Variants in HDAC4 observed in about 807,000 individuals in gnomAD.
HDAC4 encodes the protein histone deacetylase 4, also known as histone deacetylase A.
A neutral mutation model predicts 135.1 loss-of-function variants in HDAC4; 16 were observed. The ratio of observed to expected loss-of-function variants is 0.12; its 90% confidence interval spans 0.08 to 0.18. HDAC4 has a LOEUF of 0.18. Ranked by LOEUF, HDAC4 falls within the 10% of genes least tolerant of loss-of-function variation. HDAC4 has a pLI of 1.00. For synonymous variants in HDAC4, 685 were observed against 653.4 expected, an observed-to-expected ratio of 1.05 and a Z score of -0.74; for missense variants, 1,143 against 1,511.8, an observed-to-expected ratio of 0.76 and a Z score of 4.05.
At position 239,262,867 on chromosome 2, in the gene HDAC4, G is replaced by A. The variant is rs911632737; in HGVS notation, c.23-26203C>T. Among the ~76,000 whole-genome samples, 1 of 152,200 alleles carries A rather than the reference G, an allele frequency of 6.6e-6. No individual in the cohort carries two copies. The highest frequency in any genetic ancestry group is 1.5e-5 in the Non-Finnish European group (1 of 68,042). On this transcript the variant is annotated intron_variant, in intron 2 of 26. Coordinates refer to ENST00000543185, the MANE Select transcript of HDAC4 (RefSeq NM_001378414.1). This position sits in a 1 kb window ranked among gnomAD's most constrained non-coding sequence, Gnocchi z 4.1. ...AAAGCTGGTGCCCTGGTGAGCAGGA[G>A]AGCGTGAGGCTCTAAGGAGTGGATC...
At chr2:239,182,833 T>C (rs1206076692) in intron 4 of HDAC4, among the ~76,000 whole-genome samples, 1 of 152,196 alleles carries the variant, frequency 6.6e-6, no homozygotes, top group Non-Finnish European at 1.5e-5. Context: ...CATTTCACTC[T>C]TCTTCACTCC....
At position 239,050,902 on chromosome 2, in the gene HDAC4, G is replaced by A. The variant is rs879323298; in HGVS notation, c.*2195C>T. 4 of 152,572 alleles carry A rather than the reference G, an allele frequency of 2.6e-5. No homozygotes were observed. The highest frequency in any genetic ancestry group is 3.8e-4 in the East Asian group (2 of 5,196). 9.5% of individuals were successfully genotyped at this position (152,572 alleles called of 1,614,324 possible). A position where few individuals can be genotyped will look rare whatever the true frequency, so the allele number is the denominator to read the frequency against. On this transcript the variant is annotated 3_prime_UTR_variant, in exon 27 of 27. Coordinates refer to ENST00000543185, the MANE Select transcript of HDAC4 (RefSeq NM_001378414.1). ...CCCTGCAGGTTCACCAGGCAACAAG[G>A]GTCCCTGGGTTCCTTGCAGCCACAG...
intron 3 of HDAC4, among the ~76,000 whole-genome samples, chr2:239,201,119 TACAG>T (rs2045730619): frequency 6.6e-6 from 1 of 152,146 alleles, no homozygotes; most frequent in African/African-American, 2.4e-5. Context: ...GAAACTGATG[TACAG>T]ACAGTTTTAA....
intron 1 of HDAC4, among the ~76,000 whole-genome samples, chr2:239,355,930 AT>A (rs1321718589): frequency 1.3e-5 from 2 of 152,244 alleles, no homozygotes; most frequent in African/African-American, 4.8e-5. Flanking sequence ...CTAGAAACGG[AT>A]TCTTCTCCCA....
intron 2 of HDAC4, among the ~76,000 whole-genome samples, chr2:239,280,215 C>T (rs1377820360): frequency 1.3e-5 from 2 of 152,050 alleles, no homozygotes; most frequent in African/African-American, 4.8e-5. Context: ...TATATTCTCT[C>T]GTTTTTAACA....
chr2:239,073,974 G>A (rs932517367), intron 22 of HDAC4, among the ~76,000 whole-genome samples: 3 of 150,920 alleles, frequency 2.0e-5, no homozygotes, highest in East Asian at 4.0e-4. Flanking sequence ...GAGGGGGGCC[G>A]CAGGACTGAG....
chr2:239,351,290 G>A (rs1004672714), intron 2 of HDAC4, among the ~76,000 whole-genome samples: 3 of 152,122 alleles, frequency 2.0e-5, no homozygotes, highest in African/African-American at 7.2e-5. Flanking sequence ...CCATTCGCAA[G>A]GTATCAAAAG....
intron 3 of HDAC4, among the ~76,000 whole-genome samples, chr2:239,196,345 C>G (rs2045378589): frequency 1.3e-5 from 2 of 152,214 alleles, no homozygotes; most frequent in Middle Eastern, 3.2e-3. Flanking sequence ...GAGGCCCAAA[C>G]GTCACCCTCT....
intron 17 of HDAC4, among the ~76,000 whole-genome samples, chr2:239,090,798 C>G (rs1157531278): frequency 6.6e-6 from 1 of 152,216 alleles, no homozygotes; most frequent in Non-Finnish European, 1.5e-5. Context: ...AAACACCAAA[C>G]TCTGAAATAC....
intron 2 of HDAC4, among the ~76,000 whole-genome samples, chr2:239,244,595 A>G (rs1559277368): frequency 6.6e-6 from 1 of 152,212 alleles, no homozygotes; most frequent in Non-Finnish European, 1.5e-5. Flanking sequence ...AAATTATAAA[A>G]GGAAGTTCAG....
rs1376015913 is a variant in HDAC4, at chr2:239,049,277, GGTTTT to G, written c.*3815_*3819del. The G allele has an allele frequency of 6.6e-6, 1 of 152,418 alleles. No homozygotes were observed. The highest frequency in any genetic ancestry group is 2.4e-5 in the African/African-American group (1 of 41,394). 9.4% of individuals were successfully genotyped at this position (152,418 alleles called of 1,614,324 possible). On this transcript the variant is annotated 3_prime_UTR_variant, in exon 27 of 27. Coordinates refer to ENST00000543185, the MANE Select transcript of HDAC4 (RefSeq NM_001378414.1). ...ACTTCCCCGCCCTCCTCTCCTTCAAGGTTTTGTTTTACAGAAAAATTTCCATCTTT... is the reference window on the plus strand; with the variant it reads ...ACTTCCCCGCCCTCCTCTCCTTCAAGGTTTTACAGAAAAATTTCCATCTTT...
Position 239,328,901 on chromosome 2 carries a change from G to A in HDAC4, c.22+23777C>T, listed in dbSNP as rs367867724. Among the ~76,000 whole-genome samples, 11 of 152,352 alleles carry A rather than the reference G, an allele frequency of 7.2e-5. No individual in the cohort carries two copies. In the East Asian group the frequency reaches 1.5e-3, roughly 21 times the overall value. Reference sequence around the variant, plus strand: ...TGGGGGTTTATGACGATTTACTGACGCAAGAGCTCCCCGAAGCAGCATGCC... The same window carrying A: ...TGGGGGTTTATGACGATTTACTGACACAAGAGCTCCCCGAAGCAGCATGCC... On this transcript the variant is annotated intron_variant, in intron 2 of 26. Coordinates refer to ENST00000543185, the MANE Select transcript of HDAC4 (RefSeq NM_001378414.1).
chr2:239,051,647 C>CTGTT lies in HDAC4; in HGVS notation c.*1446_*1449dup, dbSNP rs2030867124. On this transcript the variant is annotated 3_prime_UTR_variant, in exon 27 of 27. Transcript: ENST00000543185. Reference sequence around the variant, plus strand: ...TGAAGGCTTGGAGACGGGAGCGGTTCTGTTAGAAAATAATTAAAATGAAAG... The same window carrying CTGTT: ...TGAAGGCTTGGAGACGGGAGCGGTTCTGTTTGTTAGAAAATAATTAAAATGAAAG... 6.6e-6 allele frequency: 1 copy of CTGTT among 152,600 alleles called. No individual in the cohort carries two copies. The highest frequency in any genetic ancestry group is 1.5e-5 in the Non-Finnish European group (1 of 68,046). The allele number at this position is 152,600 out of a possible 1,614,324, so 9.5% of individuals were successfully genotyped here. A position where few individuals can be genotyped will look rare whatever the true frequency, so the allele number is the denominator to read the frequency against.
At chr2:239,232,549 C>CCCCTCACCAAGCCAAGGGTGGCCCTT (rs2047638894) in intron 3 of HDAC4, among the ~76,000 whole-genome samples, 1 of 144,106 alleles carries the variant, frequency 6.9e-6, no homozygotes, top group African/African-American at 2.5e-5. Context: ...GGTGGCCCTT[C>CCCCTCACCAAGCCAAGGGTGGCCCTT]CCCTCACCAA....
At chr2:239,256,964 G>A (rs1334357432) in intron 2 of HDAC4, among the ~76,000 whole-genome samples, 1 of 152,178 alleles carries the variant, frequency 6.6e-6, no homozygotes, top group Non-Finnish European at 1.5e-5. Flanking sequence ...AGAAGAACCT[G>A]GGTATTTTCA....
intron 5 of HDAC4, among the ~76,000 whole-genome samples, chr2:239,166,346 C>G (rs1261793766): frequency 3.3e-5 from 5 of 152,176 alleles, no homozygotes; most frequent in African/African-American, 4.8e-5. Context: ...CATGAGGCTT[C>G]AGGCTCAGGG....
intron 22 of HDAC4, among the ~76,000 whole-genome samples, chr2:239,071,156 G>A (rs1349393501): frequency 6.6e-6 from 1 of 152,078 alleles, no homozygotes; most frequent in Non-Finnish European, 1.5e-5. Flanking sequence ...GGTGGCTCAC[G>A]CCAGTAATCC....
chr2:239,325,316 G>A (rs534683438), intron 2 of HDAC4, among the ~76,000 whole-genome samples: 2 of 152,248 alleles, frequency 1.3e-5, no homozygotes, highest in South Asian at 2.1e-4. Flanking sequence ...AGAATAGAAG[G>A]AGATATTTGC....
At position 239,050,015 on chromosome 2, in the gene HDAC4, A is replaced by G. The variant is rs1408765003; in HGVS notation, c.*3082T>C. The G allele has an allele frequency of 1.3e-5, 2 of 152,650 alleles. No homozygotes were observed. Among genetic ancestry groups the G allele is most frequent in the Non-Finnish European group, 2.9e-5 (2 of 68,076 alleles). 9.5% of individuals were successfully genotyped at this position (152,650 alleles called of 1,614,324 possible). The stretch of plus-strand genomic sequence containing the variant: ...GTCCAAGGACCCACAGGGAGAACAC[A>G]TGAAGGAACCCTCCCTGACGTGGTC... On this transcript the variant is annotated 3_prime_UTR_variant, in exon 27 of 27. Transcript: ENST00000543185.
Sources: allele counts gnomAD v4.1 joint callset (sites outside exome capture counted in the v4.1 genomes callset), GRCh38; gene constraint gnomAD v4.1.1; non-coding constraint Gnocchi (gnomAD v3.1); transcripts MANE v1.5; gene names NCBI Gene and HGNC (gene_info 2026-07-23, HGNC 2026-07-21).